Variants in ANKMY1 observed in about 807,000 individuals in gnomAD.
ANKMY1 encodes the protein ankyrin repeat and MYND domain containing 1, also known as ankyrin repeat and MYND domain-containing protein 1.
A neutral mutation model predicts 102.0 loss-of-function variants in ANKMY1; 98 were observed. That is an observed-to-expected ratio of 0.96 (90% CI 0.82 to 1.14). The LOEUF (loss-of-function observed/expected upper bound fraction) is 1.14, where lower values mean the gene tolerates loss of function less well. ANKMY1 is among the 50% of genes most tolerant of loss of function. The pLI is 0.00. For missense variants in ANKMY1, 1,330 were observed against 1,347.6 expected (o/e 0.99, Z 0.20); for synonymous variants, 582 against 559.9 (o/e 1.04, Z -0.56).
At chr2:240,501,150 CGT>C (rs1393790409) in intron 13 of ANKMY1, among the ~76,000 whole-genome samples, 3 of 150,568 alleles carry the variant, frequency 2.0e-5, no homozygotes, top group African/African-American at 7.4e-5. Context: ...AGTGGGTGAG[CGT>C]GTGTGGATAT....
At chr2:240,556,071 A>G (rs957741970) in intron 2 of ANKMY1, among the ~76,000 whole-genome samples, 2 of 152,046 alleles carry the variant, frequency 1.3e-5, no homozygotes, top group Non-Finnish European at 2.9e-5. Context: ...CATGGTAGTG[A>G]GAGAGGATGG....
At position 240,494,342 on chromosome 2, in the gene ANKMY1, C is replaced by G. The variant is rs538750986; in HGVS notation, c.2806+5616G>C. Among the ~76,000 whole-genome samples, 36 of 152,284 alleles carry G rather than the reference C, an allele frequency of 2.4e-4. 1 individual carries two copies. In the South Asian group the frequency reaches 6.6e-3, roughly 28 times the overall value. On this transcript the variant is annotated intron_variant, in intron 15 of 17. Transcript: ENST00000401804. Reference sequence around the variant, plus strand: ...CATGCTCCAGCATCACTGGGTCTCACCCCTGCCACCCTGACTGCATCAGCC... The same window carrying G: ...CATGCTCCAGCATCACTGGGTCTCAGCCCTGCCACCCTGACTGCATCAGCC...
chr2:240,548,820 C>A (rs2090952403), intron 4 of ANKMY1, among the ~76,000 whole-genome samples: 1 of 149,382 alleles, frequency 6.7e-6, no homozygotes, highest in African/African-American at 2.5e-5. Context: ...ATGTGAAGGA[C>A]CTCTTCAAGG....
At chr2:240,523,785 A>G in intron 8 of ANKMY1, 100 bp downstream of exon 8, 1 of 1,490,576 alleles carries the variant, frequency 6.7e-7, no homozygotes, top group Non-Finnish European at 9.0e-7. Flanking sequence ...TCCAGACACA[A>G]CGCCTCCCAC....
chr2:240,496,721 A>C (rs2077316497), intron 15 of ANKMY1, among the ~76,000 whole-genome samples: 1 of 152,186 alleles, frequency 6.6e-6, no homozygotes, highest in South Asian at 2.1e-4. Context: ...GTCTCCTTCC[A>C]TGACCAAACG....
intron 2 of ANKMY1, among the ~76,000 whole-genome samples, chr2:240,556,949 G>A (rs2092412182): frequency 1.3e-5 from 2 of 152,188 alleles, no homozygotes; most frequent in Admixed American, 6.5e-5. Flanking sequence ...TCCACTAGGC[G>A]GCGACACGGG....
intron 12 of ANKMY1, among the ~76,000 whole-genome samples, chr2:240,508,794 G>A (rs1294808339): frequency 2.6e-5 from 4 of 152,172 alleles, no homozygotes; most frequent in East Asian, 3.9e-4. Context: ...ATGGGTGGAC[G>A]GTAGATCCTT....
At chr2:240,516,987 A>G (rs1208971918) in intron 9 of ANKMY1, among the ~76,000 whole-genome samples, 2 of 152,244 alleles carry the variant, frequency 1.3e-5, no homozygotes, top group Non-Finnish European at 2.9e-5. Context: ...TCCATTAAAA[A>G]TTGAGTAGAG....
chr2:240,560,581 G>GCGCCCGGCGGCC (rs1193919975), upstream of ANKMY1: 44 of 1,318,244 alleles, frequency 3.3e-5, no homozygotes, highest in African/African-American at 5.4e-4. Context: ...GGACCCGGGG[G>GCGCCCGGCGGCC]CGCCCGGCGG....
At chr2:240,511,127 C>T (rs1277497752) in intron 11 of ANKMY1, among the ~76,000 whole-genome samples, 1 of 152,148 alleles carries the variant, frequency 6.6e-6, no homozygotes, top group African/African-American at 2.4e-5. Context: ...CCCACCTCCC[C>T]ACCTCCCTGT....
intron 10 of ANKMY1, 99 bp from the exon 11 acceptor site, chr2:240,512,100 T>G (rs1450763580): frequency 2.2e-6 from 3 of 1,377,154 alleles, no homozygotes; most frequent in Non-Finnish European, 2.8e-6. Context: ...CCTGCGGGTC[T>G]GGAGTCTCAC....
At chr2:240,507,781 A>C in intron 12 of ANKMY1, 90 bp from the exon 13 acceptor site, 1 of 1,433,964 alleles carries the variant, frequency 7.0e-7, no homozygotes, top group Non-Finnish European at 9.2e-7. Flanking sequence ...CTCCAGAACT[A>C]ACCCCTGAAA....
intron 12 of ANKMY1, 106 bp from the exon 13 acceptor site, chr2:240,507,797 G>A (rs1262109478): frequency 2.9e-6 from 4 of 1,377,694 alleles, no homozygotes; most frequent in Admixed American, 5.8e-5. Context: ...TGAAAGCAGG[G>A]GCTTCACGGA....
chr2:240,514,805 C>A (rs940097961), intron 9 of ANKMY1, among the ~76,000 whole-genome samples: 1 of 152,238 alleles, frequency 6.6e-6, no homozygotes, highest in African/African-American at 2.4e-5. Context: ...AGGGAGGCAA[C>A]CCCGAGAGTC....
intron 15 of ANKMY1, 117 bp from the exon 16 acceptor site, chr2:240,482,378 TA>T (rs1270687562): frequency 1.7e-5 from 15 of 883,752 alleles, no homozygotes; most frequent in South Asian, 1.3e-4. Flanking sequence ...GGGAGGCGGA[TA>T]GGGGGAAGCA....
intron 3 of ANKMY1, chr2:240,554,665 G>A (rs1171810428): frequency 5.1e-6 from 3 of 590,488 alleles, no homozygotes; most frequent in African/African-American, 3.7e-5. Context: ...CCTCATCCTG[G>A]GACCCCAGCA....
At chr2:240,511,711 T>G in intron 11 of ANKMY1, 150 bp downstream of exon 11, 1 of 1,034,792 alleles carries the variant, frequency 9.7e-7, no homozygotes, top group South Asian at 1.8e-5. Context: ...TCCTCCCGCC[T>G]TGCCTTGCTT....
chr2:240,501,370 T>G (rs1039273853), intron 13 of ANKMY1, among the ~76,000 whole-genome samples: 2 of 152,128 alleles, frequency 1.3e-5, no homozygotes, highest in Admixed American at 6.5e-5. Context: ...ACAGCAATGG[T>G]CTCTGGCTCA....
intron 8 of ANKMY1, 42 bp downstream of exon 8, chr2:240,523,843 G>A (rs1490300503): frequency 1.9e-6 from 3 of 1,593,180 alleles, no homozygotes; most frequent in Non-Finnish European, 1.7e-6. Context: ...ATTCAGCCCT[G>A]ATGGTGGCCC....
Sources: allele counts gnomAD v4.1 joint callset (sites outside exome capture counted in the v4.1 genomes callset), GRCh38; gene constraint gnomAD v4.1.1; transcripts MANE v1.5; gene names NCBI Gene and HGNC (gene_info 2026-07-23, HGNC 2026-07-21).